SOX6: variants seen among roughly 807,000 people sequenced by gnomAD.
The protein encoded by SOX6 is SRY-box transcription factor 6.
A neutral mutation model predicts 97.8 loss-of-function variants in SOX6; 11 were observed. That is an observed-to-expected ratio of 0.11 (90% CI 0.07 to 0.19). The LOEUF (loss-of-function observed/expected upper bound fraction) is 0.19. Ranked by LOEUF, SOX6 falls within the 10% of genes least tolerant of loss-of-function variation. The pLI is 1.00. For synonymous variants in SOX6, 360 were observed against 371.4 expected, an observed-to-expected ratio of 0.97 and a Z score of 0.35; for missense variants, 810 against 1,039.5, an observed-to-expected ratio of 0.78 and a Z score of 3.04.
At chr11:16,134,106 G>T (rs1345907257) in intron 6 of SOX6, among the ~76,000 whole-genome samples, 1 of 152,216 alleles carries the variant, frequency 6.6e-6, no homozygotes, top group African/African-American at 2.4e-5. Context: ...TGCTTTACAT[G>T]CATTAACACA....
chr11:16,435,372 T>C (rs1859356506), intron 1 of SOX6, among the ~76,000 whole-genome samples: 1 of 152,182 alleles, frequency 6.6e-6, no homozygotes, highest in Non-Finnish European at 1.5e-5. Context: ...CTTCACATAA[T>C]GATATAAATA....
At chr11:16,428,468 T>G (rs1183566264) in intron 1 of SOX6, among the ~76,000 whole-genome samples, 4 of 152,216 alleles carry the variant, frequency 2.6e-5, no homozygotes, top group Non-Finnish European at 1.5e-5. Context: ...GGTCTAACAT[T>G]TAAGTCTTTA....
chr11:16,013,869 T>C (rs981618207), intron 13 of SOX6, among the ~76,000 whole-genome samples: 5 of 152,014 alleles, frequency 3.3e-5, no homozygotes, highest in African/African-American at 1.2e-4. Context: ...CTAAAAGCCA[T>C]GCCCAGTTTA....
At chr11:16,382,227 A>C (rs1428741504) in intron 1 of SOX6, 1 of 152,032 alleles carries the variant, frequency 6.6e-6, no homozygotes, top group Non-Finnish European at 1.5e-5. Flanking sequence ...CTTAGCTTGT[A>C]AATAACAACA....
rs71044090 is a variant in SOX6, at chr11:16,259,973, G to GTGTGTGTGTGTGTGTA, written c.446-25303_446-25302insTACACACACACACACA. ...TGTGTGTGTGTGTGTGTGTGTGTGT[G>GTGTGTGTGTGTGTGTA]TATATATACACATATACATATATAT... On this transcript the variant is annotated intron_variant, in intron 3 of 15. Coordinates refer to ENST00000683767, the MANE Select transcript of SOX6 (RefSeq NM_001367873.1). Among the ~76,000 whole-genome samples, 341 of 145,264 alleles carry GTGTGTGTGTGTGTGTA rather than the reference G, an allele frequency of 2.3e-3. 2 individuals are homozygous for GTGTGTGTGTGTGTGTA. Among genetic ancestry groups the GTGTGTGTGTGTGTGTA allele is most frequent in the African/African-American group, 8.0e-3 (322 of 40,498 alleles).
In SOX6 at chr11:16,613,543, C is replaced by T. The variant is rs1848427280; in HGVS notation, n.430-1283G>A. Among the ~76,000 whole-genome samples the T allele has an allele frequency of 6.6e-6, 1 of 152,184 alleles. No individual in the cohort carries two copies. The highest frequency in any genetic ancestry group is 1.5e-5 in the Non-Finnish European group (1 of 67,996). ...GGGCTCAGGTGATGGAGAGGAGGCT[C>T]GCGGCGTCCCAAACGGGTTCGGCCA... On this transcript the variant is annotated intron_variant and non_coding_transcript_variant, in intron 3 of 5. Coordinates refer to the SOX6 transcript ENST00000524520. The surrounding 1 kb of genome is among the most constrained non-coding windows in gnomAD (Gnocchi z 4.6).
intron 2 of SOX6, among the ~76,000 whole-genome samples, chr11:16,322,566 T>G (rs1855960554): frequency 6.6e-6 from 1 of 152,174 alleles, no homozygotes. Flanking sequence ...CTATCAAGTC[T>G]TAATGCATGT....
intron 12 of SOX6, among the ~76,000 whole-genome samples, chr11:16,040,887 A>C (rs2133899122): frequency 6.6e-6 from 1 of 152,222 alleles, no homozygotes; most frequent in South Asian, 2.1e-4. Flanking sequence ...GAGCATAGAA[A>C]GCAGTATAAA....
intron 4 of SOX6, among the ~76,000 whole-genome samples, chr11:16,528,553 T>A (rs957632302): frequency 6.6e-6 from 1 of 152,114 alleles, no homozygotes; most frequent in African/African-American, 2.4e-5. Context: ...ACAGATGGGA[T>A]CTGTCCTTGT....
intron 1 of SOX6, among the ~76,000 whole-genome samples, chr11:16,364,411 C>T (rs1463150118): frequency 6.6e-6 from 1 of 152,088 alleles, no homozygotes. Context: ...TCCTGAGCTG[C>T]ACTTACAAAC....
At chr11:16,647,058 T>A (rs1438891746) in intron 3 of SOX6, among the ~76,000 whole-genome samples, 1 of 152,172 alleles carries the variant, frequency 6.6e-6, no homozygotes, top group East Asian at 1.9e-4. Context: ...ATTATTTTTT[T>A]ATTTTTGATT....
intron 3 of SOX6, among the ~76,000 whole-genome samples, chr11:16,661,080 A>G (rs1392996): frequency 0.65 from 98,417 of 152,044 alleles, 32,506 homozygotes; most frequent in East Asian, 0.95. Context: ...GGATTTGTTT[A>G]TTTCTCCTTG....
At chr11:16,550,565 C>T (rs1047669514) in intron 4 of SOX6, among the ~76,000 whole-genome samples, 26 of 152,140 alleles carry the variant, frequency 1.7e-4, no homozygotes, top group Non-Finnish European at 1.3e-4. Flanking sequence ...CACTGTGTTA[C>T]TAAAAAGAGT....
At chr11:16,265,536 C>T (rs929238534) in intron 3 of SOX6, among the ~76,000 whole-genome samples, 1 of 151,714 alleles carries the variant, frequency 6.6e-6, no homozygotes, top group Non-Finnish European at 1.5e-5. Flanking sequence ...TTCACCATGG[C>T]TAGTATTCAA....
chr11:16,568,458 T>C (rs574509359), intron 4 of SOX6, among the ~76,000 whole-genome samples: 1 of 152,170 alleles, frequency 6.6e-6, no homozygotes, highest in Non-Finnish European at 1.5e-5. Flanking sequence ...AACTGCTTAG[T>C]AGGTATGGAG....
intron 1 of SOX6, among the ~76,000 whole-genome samples, chr11:16,423,271 G>A (rs1222375347): frequency 6.6e-6 from 1 of 151,962 alleles, no homozygotes; most frequent in African/African-American, 2.4e-5. Flanking sequence ...TGCATGACCT[G>A]CTCTCTCACT....
chr11:16,553,334 T>G (rs1847710883), intron 4 of SOX6, among the ~76,000 whole-genome samples: 1 of 152,218 alleles, frequency 6.6e-6, no homozygotes, highest in Non-Finnish European at 1.5e-5. Context: ...TTTATACTCA[T>G]GTATATCCAC....
intron 4 of SOX6, among the ~76,000 whole-genome samples, chr11:16,602,130 C>T (rs544983489): frequency 6.6e-6 from 1 of 152,232 alleles, no homozygotes; most frequent in South Asian, 2.1e-4. Context: ...TTAAAAAATA[C>T]ATATTCACCA....
chr11:16,123,293 A>C (rs916532947), intron 6 of SOX6, among the ~76,000 whole-genome samples: 4 of 152,092 alleles, frequency 2.6e-5, no homozygotes, highest in African/African-American at 9.7e-5. Context: ...ATCAGCTATC[A>C]TGGAGAGCAG....
Sources: gnomAD v4.1 joint callset for allele counts (sites outside exome capture counted in the v4.1 genomes callset) on GRCh38, gnomAD v4.1.1 for gene constraint, Gnocchi (gnomAD v3.1) non-coding constraint, MANE v1.5 for transcripts, NCBI Gene and HGNC (gene_info 2026-07-23, HGNC 2026-07-21) for gene names.